The following LRRC27 variants were observed in gnomAD, a reference collection of about 807,000 sequenced individuals.
The protein encoded by LRRC27 is leucine rich repeat containing 27.
LRRC27 carries 57 observed loss-of-function variants against 55.0 expected under a neutral mutation model. The observed-to-expected ratio is 1.04, with a 90% CI of 0.84 to 1.29. The LOEUF (loss-of-function observed/expected upper bound fraction) is 1.29, where lower values mean the gene tolerates loss of function less well. LRRC27 is among the 50% of genes most tolerant of loss of function. The pLI is 0.00. For synonymous variants in LRRC27, 278 were observed against 251.9 expected (o/e 1.10, Z -0.98); for missense variants, 721 against 651.5 (o/e 1.11, Z -1.16).
At chr10:132,369,155 A>G (rs2133100450) in intron 10 of LRRC27, among the ~76,000 whole-genome samples, 1 of 152,308 alleles carries the variant, frequency 6.6e-6, no homozygotes, top group Middle Eastern at 3.4e-3. Flanking sequence ...CAACAGGAAC[A>G]CTCATTAATT....
At chr10:132,354,594 G>T (rs914403067) in intron 7 of LRRC27, among the ~76,000 whole-genome samples, 1 of 152,216 alleles carries the variant, frequency 6.6e-6, no homozygotes, top group Non-Finnish European at 1.5e-5. Flanking sequence ...AGGTGGCACT[G>T]GGAGAGGACG....
Position 132,363,153 on chromosome 10 carries a change from G to A in LRRC27, c.1289+1578G>A, listed in dbSNP as rs554616727. ...CACCCTTCTCACCTCACACCAGCTC[G>A]GGGGGCCAGGGTTCATGAACCCTCT... On this transcript the variant is annotated intron_variant, in intron 9 of 10. Transcript: ENST00000368614. Among the ~76,000 whole-genome samples, 6 of 115,018 alleles carry A rather than the reference G, an allele frequency of 5.2e-5. No homozygotes were observed. The East Asian group carries it at 1.1e-3, about 21-fold the overall frequency. The allele number at this position is 115,018 out of a possible 152,430, so 75.5% of individuals were successfully genotyped here. A position where few individuals can be genotyped will look rare whatever the true frequency, so the allele number is the denominator to read the frequency against.
rs2068277096 is a variant in LRRC27, at chr10:132,355,731, C to A, written c.1074-59C>A. On this transcript the variant is annotated intron_variant, in intron 7 of 10. Coordinates refer to ENST00000368614, the MANE Select transcript of LRRC27 (RefSeq NM_030626.3). Reference sequence around the variant, plus strand: ...CAAGGCTGTAGAATGACAGAGGAATCCTGTAGCCTTGGCTCGAAGCTGCCT... The same window carrying A: ...CAAGGCTGTAGAATGACAGAGGAATACTGTAGCCTTGGCTCGAAGCTGCCT... The A allele has an allele frequency of 2.4e-6, 3 of 1,270,666 alleles. No homozygotes were observed. The African/African-American group carries it at 4.5e-5, about 19-fold the overall frequency. The allele number at this position is 1,270,666 out of a possible 1,614,324, so 78.7% of individuals were successfully genotyped here.
In LRRC27 at chr10:132,365,567, T is replaced by G; in HGVS notation, c.1416+17T>G. The G allele has an allele frequency of 6.2e-7, 1 of 1,610,500 alleles. No individual in the cohort carries two copies. Among genetic ancestry groups the G allele is most frequent in the Non-Finnish European group, 8.5e-7 (1 of 1,179,254 alleles). On this transcript the variant is annotated intron_variant, in intron 10 of 10. Coordinates refer to ENST00000368614, the MANE Select transcript of LRRC27 (RefSeq NM_030626.3). ...CTGGAAATTGTAAGGATTTCTTGGT[T>G]CTGTTTAAAAAAGTGTGGGGTGTTT... is the stretch of plus-strand genomic sequence containing the variant.
Position 132,337,181 on chromosome 10 carries a change from G to A in LRRC27, c.211-384G>A, listed in dbSNP as rs147996576. ...CTGGCTATTTGCTCAGTAAGCAGGCGATTTCGGGGGCTGCCGAGGGCCAGG... is the reference window on the plus strand; with the variant it reads ...CTGGCTATTTGCTCAGTAAGCAGGCAATTTCGGGGGCTGCCGAGGGCCAGG... On this transcript the variant is annotated intron_variant, in intron 2 of 10. Transcript: ENST00000368614. 6,557 of 1,173,492 alleles carry A rather than the reference G, an allele frequency of 5.6e-3. 34 individuals are homozygous for A. Among genetic ancestry groups the A allele is most frequent in the Non-Finnish European group, 6.1e-3 (5,790 of 947,454 alleles). 72.7% of individuals were successfully genotyped at this position (1,173,492 alleles called of 1,614,324 possible).
intron 8 of LRRC27, 58 bp from the exon 9 acceptor site, chr10:132,361,399 T>A (rs779845005): frequency 1.4e-6 from 2 of 1,432,924 alleles, no homozygotes; most frequent in Non-Finnish European, 2.0e-6. Context: ...GCAGGTTAGC[T>A]TTGTGGAAAA....
At chr10:132,330,095 T>C (rs183954565), upstream of LRRC27, among the ~76,000 whole-genome samples, 2 of 152,276 alleles carry the variant, frequency 1.3e-5, no homozygotes, top group Admixed American at 6.5e-5. Context: ...CGTTCCTACG[T>C]TGGGAGGCTC....
chr10:132,346,535 G>T (rs1294324064), intron 5 of LRRC27, among the ~76,000 whole-genome samples: 1 of 152,204 alleles, frequency 6.6e-6, no homozygotes, highest in African/African-American at 2.4e-5. Flanking sequence ...AATTAGTTGG[G>T]CGTGGTCGTG....
At chr10:132,337,052 T>TTGC (rs2067168800) in intron 2 of LRRC27, 1 of 1,296,172 alleles carries the variant, frequency 7.7e-7, no homozygotes, top group Non-Finnish European at 9.8e-7. Flanking sequence ...GAGGCTTTGT[T>TTGC]TGCTGCTGAT....
chr10:132,357,457 G>C (rs953726766), intron 8 of LRRC27, among the ~76,000 whole-genome samples: 3 of 152,236 alleles, frequency 2.0e-5, no homozygotes, highest in Admixed American at 6.5e-5. Flanking sequence ...GTCACATCCA[G>C]ACCATGAGCT....
At chr10:132,347,557 T>G in intron 5 of LRRC27, among the ~76,000 whole-genome samples, 1 of 126,948 alleles carries the variant, frequency 7.9e-6, no homozygotes, top group Non-Finnish European at 1.7e-5. Flanking sequence ...GGGGCCTGCG[T>G]GAGAGTCAGG....
intron 4 of LRRC27, among the ~76,000 whole-genome samples, chr10:132,343,302 G>A (rs186919591): frequency 2.9e-4 from 44 of 152,190 alleles, no homozygotes; most frequent in African/African-American, 9.9e-4. Context: ...ACAACAGGGC[G>A]AGACCCTCTC....
At chr10:132,351,358 G>A (rs113914125) in intron 6 of LRRC27, 49 of 448,462 alleles carry the variant, frequency 1.1e-4, no homozygotes, top group African/African-American at 7.4e-4. Context: ...ACTGTCAAGC[G>A]TCCCGGGAAA....
intron 4 of LRRC27, among the ~76,000 whole-genome samples, chr10:132,343,932 C>T (rs961901142): frequency 3.9e-5 from 6 of 152,166 alleles, no homozygotes; most frequent in Non-Finnish European, 7.3e-5. Flanking sequence ...CAGCGGCCAT[C>T]GTTTCCAAAG....
At chr10:132,344,754 C>T in intron 5 of LRRC27, 104 bp downstream of exon 5, 1 of 1,308,012 alleles carries the variant, frequency 7.6e-7, no homozygotes. Context: ...CTGAGAAATA[C>T]AGGAGCCATG....
chr10:132,355,650 C>A, intron 7 of LRRC27, 140 bp from the exon 8 acceptor site: 2 of 619,040 alleles, frequency 3.2e-6, no homozygotes, highest in Non-Finnish European at 5.9e-6. Flanking sequence ...GGTTCAGACT[C>A]CCACCCGGAG....
intron 5 of LRRC27, 137 bp from the exon 6 acceptor site, chr10:132,347,847 G>A (rs961445628): frequency 1.8e-6 from 2 of 1,101,742 alleles, no homozygotes; most frequent in African/African-American, 3.1e-5. Context: ...GAATTGTTTG[G>A]ATTGACAGGG....
At position 132,361,469 on chromosome 10, in the gene LRRC27, A is replaced by G. The variant is rs2068612146; in HGVS notation, c.1183A>G (p.Ile395Val). The G allele has an allele frequency of 2.5e-6, 4 of 1,613,250 alleles. No homozygotes were observed. The East Asian group carries it at 6.7e-5, about 27-fold the overall frequency. The change falls in exon 9 of 11, where the codon ATT (isoleucine) becomes GTT (valine). Residue 395 changes from isoleucine to valine, a missense_variant. By Grantham distance (29) the Ile-to-Val change is conservative. Transcript: ENST00000368614. Reference protein sequence around the residue: ...PPRRSMVASKIPSATDLIDNR... With the variant: ...PPRRSMVASKVPSATDLIDNR... ...TGCATTTTCCTAGGTGGCATCAAAGATTCCCTCTGCCACAGATCTGATAGA... is the reference window on the plus strand; with the variant it reads ...TGCATTTTCCTAGGTGGCATCAAAGGTTCCCTCTGCCACAGATCTGATAGA...
chr10:132,353,229 G>A (rs1042644563), intron 7 of LRRC27: 5 of 1,321,272 alleles, frequency 3.8e-6, no homozygotes, highest in African/African-American at 3.0e-5. Flanking sequence ...TGAGCTGCCT[G>A]GAGCTGGCCG....
Sources: allele counts gnomAD v4.1 joint callset (sites outside exome capture counted in the v4.1 genomes callset), GRCh38; gene constraint gnomAD v4.1.1; transcripts MANE v1.5; gene names NCBI Gene and HGNC (gene_info 2026-07-23, HGNC 2026-07-21).